The following AK5 variants were observed in gnomAD, a reference collection of about 807,000 sequenced individuals.
AK5 encodes adenylate kinase 5, also known as adenylate kinase isoenzyme 5.
AK5 carries 27 observed loss-of-function variants against 69.5 expected under a neutral mutation model. The ratio of observed to expected loss-of-function variants is 0.39; its 90% CI spans 0.29 to 0.54. The LOEUF (loss-of-function observed/expected upper bound fraction) is 0.54. AK5 is among the 20% of genes least tolerant of loss of function. The probability of loss-of-function intolerance (pLI) is 0.71; values close to 1 mark genes in which losing one functional copy is unlikely to be tolerated. For missense variants in AK5, 531 were observed against 700.4 expected, an observed-to-expected ratio of 0.76 and a Z score of 2.73; for synonymous variants, 260 against 244.4, an observed-to-expected ratio of 1.06 and a Z score of -0.60.
intron 6 of AK5, among the ~76,000 whole-genome samples, chr1:77,341,073 A>G (rs1233076627): frequency 6.6e-6 from 1 of 152,254 alleles, no homozygotes; most frequent in Non-Finnish European, 1.5e-5. Context: ...GTGATAATGT[A>G]TCAAAATGGG....
chr1:77,440,082 T>G (rs1477529968), intron 8 of AK5, among the ~76,000 whole-genome samples: 1 of 152,200 alleles, frequency 6.6e-6, no homozygotes, highest in Non-Finnish European at 1.5e-5. Flanking sequence ...AGTTTTATAC[T>G]TTCATGTTTT....
At chr1:77,306,488 T>TG (rs1659643938) in intron 5 of AK5, among the ~76,000 whole-genome samples, 3 of 129,924 alleles carry the variant, frequency 2.3e-5, no homozygotes, top group Non-Finnish European at 5.0e-5. Context: ...TGCTAGGTTT[T>TG]TTTTTGTTTT....
chr1:77,541,414 AAAAAAAG>A (rs762140768), intron 13 of AK5, among the ~76,000 whole-genome samples: 2 of 152,192 alleles, frequency 1.3e-5, no homozygotes, highest in African/African-American at 2.4e-5. Flanking sequence ...TCCTGTTTCC[AAAAAAAG>A]AAAAAAGAAA....
At chr1:77,313,482 G>T (rs1660071159) in intron 5 of AK5, among the ~76,000 whole-genome samples, 1 of 152,098 alleles carries the variant, frequency 6.6e-6, no homozygotes, top group Admixed American at 6.5e-5. Flanking sequence ...TGAAAATTTT[G>T]GAGATTTGGC....
At chr1:77,466,994 T>C (rs1654183022) in intron 8 of AK5, among the ~76,000 whole-genome samples, 1 of 152,158 alleles carries the variant, frequency 6.6e-6, no homozygotes, top group Admixed American at 6.5e-5. Flanking sequence ...AAGCAACATA[T>C]ACATGCAAGA....
intron 6 of AK5, among the ~76,000 whole-genome samples, chr1:77,382,208 C>T (rs1647687106): frequency 6.7e-6 from 1 of 149,402 alleles, no homozygotes. Context: ...TCTCGTAAGA[C>T]CCATTTTATA....
chr1:77,456,823 G>A (rs190438719), intron 8 of AK5, among the ~76,000 whole-genome samples: 5 of 151,876 alleles, frequency 3.3e-5, no homozygotes, highest in East Asian at 3.9e-4. Context: ...ACTCCTCTGT[G>A]TGGGCCTGGT....
chr1:77,392,090 A>G (rs1648524421), intron 6 of AK5, among the ~76,000 whole-genome samples: 1 of 152,236 alleles, frequency 6.6e-6, no homozygotes, highest in Non-Finnish European at 1.5e-5. Flanking sequence ...GATTCTCAGT[A>G]TTTTTGTCTC....
At chr1:77,443,918 T>C (rs972165888) in intron 8 of AK5, among the ~76,000 whole-genome samples, 5 of 151,798 alleles carry the variant, frequency 3.3e-5, no homozygotes, top group Admixed American at 6.6e-5. Context: ...CTCACATAGT[T>C]ACCTTTTGTC....
intron 5 of AK5, among the ~76,000 whole-genome samples, chr1:77,330,424 T>C: frequency 6.6e-6 from 1 of 151,572 alleles, no homozygotes. Context: ...GCATATCATA[T>C]AATGTAGGGA....
At chr1:77,503,052 G>T (rs367988202) in intron 10 of AK5, among the ~76,000 whole-genome samples, 1 of 152,212 alleles carries the variant, frequency 6.6e-6, no homozygotes, top group Admixed American at 6.5e-5. Flanking sequence ...CTAAGACTGC[G>T]TCAAAACCTG....
chr1:77,323,233 C>A (rs1660627110), intron 5 of AK5, among the ~76,000 whole-genome samples: 2 of 152,182 alleles, frequency 1.3e-5, no homozygotes, highest in Non-Finnish European at 2.9e-5. Context: ...CTCAGGGGAT[C>A]TGCCTACCTT....
chr1:77,444,118 C>T (rs994012993), intron 8 of AK5, among the ~76,000 whole-genome samples: 13 of 148,486 alleles, frequency 8.8e-5, no homozygotes, highest in Non-Finnish European at 1.6e-4. Context: ...CCTGCCACTG[C>T]CCAACCCTGA....
At chr1:77,385,425 G>A (rs2349966) in intron 6 of AK5, among the ~76,000 whole-genome samples, 2 of 151,894 alleles carry the variant, frequency 1.3e-5, no homozygotes, top group African/African-American at 4.8e-5. Context: ...TCCCAAAGTG[G>A]TGGGATTACA....
At chr1:77,374,418 C>CTTTTTTTT (rs34141642) in intron 6 of AK5, among the ~76,000 whole-genome samples, 2 of 138,800 alleles carry the variant, frequency 1.4e-5, no homozygotes, top group Non-Finnish European at 1.5e-5. Context: ...TGAGGTAATG[C>CTTTTTTTT]TTTTTTTTTT....
At chr1:77,503,385 T>C (rs1056190157) in intron 10 of AK5, among the ~76,000 whole-genome samples, 16 of 152,176 alleles carry the variant, frequency 1.1e-4, no homozygotes, top group Admixed American at 7.9e-4. Context: ...TTGTGAAAAA[T>C]TAATTGTAAA....
chr1:77,301,178 C>A (rs1250080727), intron 5 of AK5, among the ~76,000 whole-genome samples: 1 of 152,188 alleles, frequency 6.6e-6, no homozygotes, highest in African/African-American at 2.4e-5. Context: ...CTTGACTGGG[C>A]AGCTTTTTTC....
Position 77,293,927 on chromosome 1 carries a change from A to G in AK5, c.382A>G (p.Thr128Ala), listed in dbSNP as rs757530766. 3.7e-6 allele frequency: 6 copies of G among 1,612,384 alleles called. No homozygotes were observed. Among genetic ancestry groups the G allele is most frequent in the East Asian group, 4.5e-5 (2 of 44,774 alleles). ...TGAGGAGTATGAGGTTTTTGATCCT[A>G]CCAGACCTCGACCAAAAATCATTCT... ...LIEEYEVFDP[T>A]RPRPKIILVI... is the part of the protein sequence containing the mutation. Residue 128 changes from threonine to alanine, a missense_variant, in exon 3 of 14, where the codon ACC (threonine) becomes GCC (alanine). Coordinates refer to ENST00000354567, the MANE Select transcript of AK5 (RefSeq NM_174858.3).
At chr1:77,349,583 T>C (rs1442923714) in intron 6 of AK5, 1 of 152,232 alleles carries the variant, frequency 6.6e-6, no homozygotes, top group Non-Finnish European at 1.5e-5. Context: ...TCTCTTCATT[T>C]CTGTTTTTTA....
Sources: allele counts gnomAD v4.1 joint callset (sites outside exome capture counted in the v4.1 genomes callset), GRCh38; gene constraint gnomAD v4.1.1; transcripts MANE v1.5; gene names NCBI Gene and HGNC (gene_info 2026-07-23, HGNC 2026-07-21).